The following ECT2L variants were observed in gnomAD, a reference collection of about 807,000 sequenced individuals.
ECT2L encodes the protein epithelial cell-transforming sequence 2 oncogene-like.
A neutral mutation model predicts 122.8 loss-of-function variants in ECT2L; 126 were observed. The ratio of observed to expected loss-of-function variants is 1.03; its 90% CI spans 0.89 to 1.19. The LOEUF (loss-of-function observed/expected upper bound fraction) is 1.19. Ranked by LOEUF, ECT2L falls within the 50% of genes most tolerant of loss-of-function variation. The pLI is 0.00. For synonymous variants in ECT2L, 385 were observed against 381.8 expected (o/e 1.01, Z -0.10); for missense variants, 1,012 against 1,064.1 (o/e 0.95, Z 0.68).
In ECT2L at chr6:138,885,669, T is replaced by A; in HGVS notation, c.2103-5T>A. The A allele has an allele frequency of 6.2e-7, 1 of 1,613,982 alleles. No individual in the cohort carries two copies. Among genetic ancestry groups the A allele is most frequent in the Non-Finnish European group, 8.5e-7 (1 of 1,179,924 alleles). ...CCAGAGCTCCCTTCTCTATGCCTCA[T>A]ACAGCCTGCCAGAGCTGCTGCTGTA... On this transcript the variant is annotated splice_region_variant and splice_polypyrimidine_tract_variant and intron_variant, in intron 17 of 21. Transcript: ENST00000541398.
At position 138,868,147 on chromosome 6, in the gene ECT2L, A is replaced by C. The variant is rs759407436; in HGVS notation, c.1519A>C (p.Asn507His). Residue 507 changes from asparagine to histidine, a missense_variant, in exon 13 of 22, where the codon AAC becomes CAC. By Grantham distance (68) the Asn-to-His change is moderately conservative. Coordinates refer to ENST00000541398, the MANE Select transcript of ECT2L (RefSeq NM_001077706.3). ...CATGGGTATGACCAACATTCTAAAC[A>C]ACCAAGATACTGCGCAAGCTCTGGC... ...DTMGMTNILN[N>H]QDTAQALADG... 2.7e-5 allele frequency: 43 copies of C among 1,613,354 alleles called. No individual in the cohort carries two copies. The highest frequency in any genetic ancestry group is 1.8e-4 in the Admixed American group (11 of 59,946).
intron 5 of ECT2L, among the ~76,000 whole-genome samples, chr6:138,842,149 A>T (rs1408989936): frequency 6.6e-6 from 1 of 152,260 alleles, no homozygotes; most frequent in Admixed American, 6.5e-5. Context: ...ATAGTAAGTC[A>T]GTAATAGCAT....
chr6:138,843,161 G>A lies in ECT2L; in HGVS notation c.525G>A (p.Glu175=), dbSNP rs189387349. Residue 175 remains glutamate (E), a synonymous_variant, in exon 6 of 22, where the codon GAG becomes GAA. Coordinates refer to ENST00000541398, the MANE Select transcript of ECT2L (RefSeq NM_001077706.3). ...GTLNEPKTED[E]ELLERQREKC... ...TGAATGAACCCAAAACAGAAGATGA[G>A]GAACTACTGGAGAGACAAAGAGAAA... The A allele has an allele frequency of 1.4e-4, 232 of 1,613,892 alleles. No individual in the cohort carries two copies. Among genetic ancestry groups the A allele is most frequent in the Non-Finnish European group, 1.8e-4 (216 of 1,179,862 alleles).
intron 19 of ECT2L, among the ~76,000 whole-genome samples, chr6:138,888,478 T>A (rs1476751888): frequency 3.8e-5 from 1 of 26,462 alleles, no homozygotes; most frequent in Admixed American, 5.1e-4. Context: ...ACCTGGCTAA[T>A]TTTTTTTGTA....
At chr6:138,831,992 G>T (rs1196651224) in intron 4 of ECT2L, among the ~76,000 whole-genome samples, 1 of 151,896 alleles carries the variant, frequency 6.6e-6, no homozygotes, top group Non-Finnish European at 1.5e-5. Context: ...ACTCTCCTAT[G>T]GATAATAGTG....
At chr6:138,888,313 TTTTC>T (rs201887351) in intron 19 of ECT2L, among the ~76,000 whole-genome samples, 37 of 122,318 alleles carry the variant, frequency 3.0e-4, no homozygotes, top group Non-Finnish European at 3.7e-4. Context: ...CTTCTTTTTC[TTTTC>T]TTTTTTTTTT....
At chr6:138,878,406 C>T (rs1237673620) in intron 14 of ECT2L, among the ~76,000 whole-genome samples, 3 of 151,910 alleles carry the variant, frequency 2.0e-5, no homozygotes, top group African/African-American at 7.3e-5. Context: ...AAGATAACTG[C>T]TGAATGAGCA....
At chr6:138,850,018 T>C (rs979838241) in intron 9 of ECT2L, among the ~76,000 whole-genome samples, 7 of 151,864 alleles carry the variant, frequency 4.6e-5, no homozygotes, top group Non-Finnish European at 7.4e-5. Context: ...CTGTGCCCAC[T>C]GAAAAAAAAC....
At chr6:138,876,687 A>G in intron 14 of ECT2L, 129 bp downstream of exon 14, 6 of 603,088 alleles carry the variant, frequency 9.9e-6, no homozygotes, top group Non-Finnish European at 1.7e-5. Context: ...AAAAAACCTC[A>G]AAAATTATTA....
intron 20 of ECT2L, 37 bp downstream of exon 20, chr6:138,889,068 CT>C: frequency 1.7e-6 from 2 of 1,200,446 alleles, no homozygotes; most frequent in South Asian, 1.7e-5. Flanking sequence ...CTGTGGACAC[CT>C]TCCAAGCAGG....
At chr6:138,895,689 G>C (rs554113882) in intron 20 of ECT2L, among the ~76,000 whole-genome samples, 3 of 152,064 alleles carry the variant, frequency 2.0e-5, no homozygotes, top group African/African-American at 7.2e-5. Flanking sequence ...TCATGCCTCA[G>C]CCTCCCAAAA....
At chr6:138,857,858 T>G (rs1024835222) in intron 10 of ECT2L, among the ~76,000 whole-genome samples, 2 of 152,198 alleles carry the variant, frequency 1.3e-5, no homozygotes, top group Non-Finnish European at 2.9e-5. Flanking sequence ...TGCCCGAGAC[T>G]GGGTAATTTA....
chr6:138,892,010 CATT>C (rs1233918944), intron 20 of ECT2L, among the ~76,000 whole-genome samples: 1 of 152,184 alleles, frequency 6.6e-6, no homozygotes, highest in Non-Finnish European at 1.5e-5. Context: ...AATCTCCAGT[CATT>C]ATTACTCCAG....
intron 10 of ECT2L, among the ~76,000 whole-genome samples, chr6:138,861,628 C>T (rs1777835491): frequency 6.6e-6 from 1 of 151,832 alleles, no homozygotes; most frequent in African/African-American, 2.4e-5. Flanking sequence ...GGATATTAGC[C>T]CTTTGTCAGA....
intron 1 of ECT2L, among the ~76,000 whole-genome samples, chr6:138,808,553 A>T (rs1298894600): frequency 6.6e-6 from 1 of 152,158 alleles, no homozygotes; most frequent in Non-Finnish European, 1.5e-5. Context: ...GTTGCTTATT[A>T]AATGTTATTA....
At chr6:138,799,726 AT>A (rs1174200358) in intron 1 of ECT2L, among the ~76,000 whole-genome samples, 1 of 152,070 alleles carries the variant, frequency 6.6e-6, no homozygotes, top group Non-Finnish European at 1.5e-5. Flanking sequence ...CACCTGGCTA[AT>A]TTTTGTACAG....
chr6:138,860,914 T>C (rs1777806910), intron 10 of ECT2L, among the ~76,000 whole-genome samples: 1 of 152,080 alleles, frequency 6.6e-6, no homozygotes, highest in African/African-American at 2.4e-5. Context: ...GTGTGTGATG[T>C]TCCCCTCCCT....
chr6:138,844,177 G>C (rs78881949), intron 6 of ECT2L, among the ~76,000 whole-genome samples: 3,947 of 152,280 alleles, frequency 0.026, 183 homozygotes, highest in African/African-American at 0.09. Flanking sequence ...ACTAGAAAAG[G>C]GTTGCTTGTT....
At chr6:138,875,400 A>G (rs1778404393) in intron 13 of ECT2L, among the ~76,000 whole-genome samples, 1 of 152,236 alleles carries the variant, frequency 6.6e-6, no homozygotes, top group South Asian at 2.1e-4. Context: ...TACAAATTGA[A>G]GTTATTCTTC....
Sources: gnomAD v4.1 joint callset for allele counts (sites outside exome capture counted in the v4.1 genomes callset) on GRCh38, gnomAD v4.1.1 for gene constraint, MANE v1.5 for transcripts, NCBI Gene and HGNC (gene_info 2026-07-23, HGNC 2026-07-21) for gene names.